EBF1: variants seen among roughly 807,000 people sequenced by gnomAD.
EBF1 encodes the protein transcription factor COE1.
Under a neutral mutation model 68.4 loss-of-function variants are expected in EBF1, and 10 were observed. That is an observed-to-expected ratio of 0.15 (90% confidence interval 0.09 to 0.25). The LOEUF (loss-of-function observed/expected upper bound fraction) is 0.25. Among genes scored for constraint, EBF1 ranks in the 10% least tolerant of loss-of-function variants. The probability of loss-of-function intolerance (pLI) is 1.00; values close to 1 mark genes in which losing one functional copy is unlikely to be tolerated. For synonymous variants in EBF1, 298 were observed against 299.8 expected (o/e 0.99, Z 0.06); for missense variants, 509 against 794.4 (o/e 0.64, Z 4.32).
chr5:158,972,029 G>A (rs1016496689), intron 6 of EBF1, among the ~76,000 whole-genome samples: 1 of 152,204 alleles, frequency 6.6e-6, no homozygotes, highest in Non-Finnish European at 1.5e-5. Flanking sequence ...TTGCCACAAT[G>A]AATTTTAACC....
At chr5:159,076,590 G>GA (rs1356673095) in intron 5 of EBF1, among the ~76,000 whole-genome samples, 2 of 151,864 alleles carry the variant, frequency 1.3e-5, no homozygotes, top group East Asian at 3.9e-4. Context: ...GAAAAGTAGA[G>GA]AAAAAAGAAT....
intron 15 of EBF1, among the ~76,000 whole-genome samples, chr5:158,699,979 T>A (rs563356526): frequency 1.3e-5 from 2 of 152,332 alleles, no homozygotes; most frequent in Admixed American, 1.3e-4. Context: ...CACCTCTGGC[T>A]TTTCTGCTGT....
chr5:158,784,309 TCTGTTCATATGA>T (rs1776999831), intron 9 of EBF1, among the ~76,000 whole-genome samples: 1 of 152,208 alleles, frequency 6.6e-6, no homozygotes, highest in African/African-American at 2.4e-5. Context: ...ACCATGACTA[TCTGTTCATATGA>T]CTGTTCATTG....
At chr5:159,091,082 G>C (rs1442130774) in intron 4 of EBF1, among the ~76,000 whole-genome samples, 1 of 152,154 alleles carries the variant, frequency 6.6e-6, no homozygotes, top group African/African-American at 2.4e-5. Context: ...ATAAGACAGA[G>C]AGAACAGACT....
At chr5:158,701,218 A>C (rs544826201) in intron 15 of EBF1, among the ~76,000 whole-genome samples, 49 of 152,338 alleles carry the variant, frequency 3.2e-4, no homozygotes, top group Non-Finnish European at 6.0e-4. Flanking sequence ...CCTGGCATTA[A>C]AGAGCAGTTC....
intron 6 of EBF1, among the ~76,000 whole-genome samples, chr5:158,953,345 C>T (rs1313676314): frequency 2.0e-5 from 3 of 152,182 alleles, no homozygotes; most frequent in South Asian, 2.1e-4. Context: ...TATGACAGGC[C>T]GCGATTTTGC....
At chr5:158,771,297 C>A (rs1311004975) in intron 10 of EBF1, among the ~76,000 whole-genome samples, 2 of 152,056 alleles carry the variant, frequency 1.3e-5, no homozygotes, top group African/African-American at 4.8e-5. Context: ...CCCTTTTACT[C>A]CTTAGATGAA....
At chr5:158,714,754 C>A (rs1477372792) in intron 11 of EBF1, among the ~76,000 whole-genome samples, 1 of 152,154 alleles carries the variant, frequency 6.6e-6, no homozygotes, top group African/African-American at 2.4e-5. Context: ...TATGAAAGGA[C>A]TCTACTGTCC....
chr5:158,699,004 C>T lies in EBF1; in HGVS notation c.*107G>A. 1.9e-6 allele frequency: 2 copies of T among 1,057,374 alleles called. No homozygotes were observed. Among genetic ancestry groups the T allele is most frequent in the Non-Finnish European group, 1.3e-6 (1 of 745,680 alleles). The allele number at this position is 1,057,374 out of a possible 1,614,324, so 65.5% of individuals were successfully genotyped here. A position where few individuals can be genotyped will look rare whatever the true frequency, so the allele number is the denominator to read the frequency against. ...TAAAAATCTGCAGTTATTGTGATTC[C>T]TCTTAAAAAGGCCTGAGTTAAAAGT... On this transcript the variant is annotated 3_prime_UTR_variant, in exon 16 of 16. Transcript: ENST00000313708.
chr5:158,821,223 G>C (rs1425298002), intron 8 of EBF1, among the ~76,000 whole-genome samples: 2 of 152,078 alleles, frequency 1.3e-5, no homozygotes, highest in East Asian at 3.8e-4. Flanking sequence ...AAGCTAAAGC[G>C]ATTTGTCCAA....
intron 5 of EBF1, among the ~76,000 whole-genome samples, chr5:159,080,802 G>C (rs543527840): frequency 2.5e-4 from 38 of 152,272 alleles, no homozygotes; most frequent in African/African-American, 9.1e-4. Flanking sequence ...TGAAGACAGA[G>C]GAACACCCAG....
At chr5:158,867,565 G>A (rs868009458) in intron 6 of EBF1, among the ~76,000 whole-genome samples, 1 of 152,114 alleles carries the variant, frequency 6.6e-6, no homozygotes, top group African/African-American at 2.4e-5. Flanking sequence ...AAAACTCTAG[G>A]GGCAAAGAAG....
intron 6 of EBF1, chr5:158,986,924 A>C (rs538379179): frequency 3.3e-5 from 5 of 152,380 alleles, no homozygotes; most frequent in African/African-American, 1.2e-4. Context: ...CACATAAGGA[A>C]TCTGAGGCTC....
At chr5:158,881,463 G>C (rs1247483531) in intron 6 of EBF1, among the ~76,000 whole-genome samples, 2 of 152,176 alleles carry the variant, frequency 1.3e-5, no homozygotes. Flanking sequence ...TGGGCAAGAG[G>C]GGGCCATACC....
At chr5:159,060,840 C>T (rs1461450535) in intron 6 of EBF1, among the ~76,000 whole-genome samples, 2 of 152,010 alleles carry the variant, frequency 1.3e-5, no homozygotes, top group Non-Finnish European at 2.9e-5. Flanking sequence ...GGCTATCTAC[C>T]TTTCATCTAT....
chr5:158,704,903 C>T (rs1188034416), intron 15 of EBF1, among the ~76,000 whole-genome samples: 1 of 152,244 alleles, frequency 6.6e-6, no homozygotes, highest in African/African-American at 2.4e-5. Context: ...ATTAATTTGA[C>T]TTTAATTTCT....
intron 6 of EBF1, among the ~76,000 whole-genome samples, chr5:158,863,781 A>G (rs1003292385): frequency 6.6e-6 from 1 of 152,226 alleles, no homozygotes; most frequent in Non-Finnish European, 1.5e-5. Flanking sequence ...CAAACTCTAT[A>G]AAGTCTCTTC....
At chr5:158,945,796 T>G (rs1169635016) in intron 6 of EBF1, among the ~76,000 whole-genome samples, 1 of 152,192 alleles carries the variant, frequency 6.6e-6, no homozygotes, top group South Asian at 2.1e-4. Flanking sequence ...GGTTCCATTC[T>G]CCCCATCACT....
intron 6 of EBF1, among the ~76,000 whole-genome samples, chr5:159,050,462 G>A (rs1773361574): frequency 6.6e-6 from 1 of 152,152 alleles, no homozygotes; most frequent in African/African-American, 2.4e-5. Flanking sequence ...AATGTACGTG[G>A]TGTGGGTGTG....
Sources: allele counts gnomAD v4.1 joint callset (sites outside exome capture counted in the v4.1 genomes callset), GRCh38; gene constraint gnomAD v4.1.1; transcripts MANE v1.5; gene names NCBI Gene and HGNC (gene_info 2026-07-23, HGNC 2026-07-21).